The following CTTNBP2 variants were observed in gnomAD, a reference collection of about 807,000 sequenced individuals.
CTTNBP2 encodes cortactin-binding protein 2.
In CTTNBP2, 108 loss-of-function variants were observed where a neutral mutation model predicts 156.9. The observed-to-expected ratio is 0.69, with a 90% confidence interval of 0.59 to 0.81. The LOEUF is 0.81. Among genes scored for constraint, CTTNBP2 ranks in the 30% least tolerant of loss-of-function variants. CTTNBP2 has a pLI of 0.00. For synonymous variants in CTTNBP2, 767 were observed against 751.8 expected, an observed-to-expected ratio of 1.02 and a Z score of -0.33; for missense variants, 1,924 against 2,035.4, an observed-to-expected ratio of 0.95 and a Z score of 1.05.
chr7:117,719,470 G>C (rs375406711), intron 21 of CTTNBP2, 34 bp downstream of exon 21: 4 of 1,588,970 alleles, frequency 2.5e-6, no homozygotes, highest in Non-Finnish European at 3.4e-6. Flanking sequence ...CTGTTGAGTA[G>C]AGCCATTCAA....
chr7:117,840,719 C>T (rs1802219987), intron 2 of CTTNBP2, among the ~76,000 whole-genome samples: 1 of 152,154 alleles, frequency 6.6e-6, no homozygotes, highest in Non-Finnish European at 1.5e-5. Flanking sequence ...GCAATTATTT[C>T]CAGTATCACT....
intron 8 of CTTNBP2, among the ~76,000 whole-genome samples, chr7:117,776,631 C>A (rs1392566935): frequency 6.6e-6 from 1 of 152,194 alleles, no homozygotes; most frequent in African/African-American, 2.4e-5. Context: ...ACTTTCCTTG[C>A]AAAGCTCAAA....
chr7:117,858,368 T>C, intron 2 of CTTNBP2, among the ~76,000 whole-genome samples: 1 of 151,924 alleles, frequency 6.6e-6, no homozygotes, highest in Non-Finnish European at 1.5e-5. Flanking sequence ...AGACTCCGTC[T>C]CAAAAAAAAG....
intron 2 of CTTNBP2, among the ~76,000 whole-genome samples, chr7:117,819,367 TCACACACACA>T (rs71529472): frequency 0.023 from 2,942 of 130,688 alleles, 165 homozygotes; most frequent in African/African-American, 0.073. Flanking sequence ...TCTCTCTCTC[TCACACACACA>T]CACACACACA....
Position 117,873,410 on chromosome 7 carries a change from C to A in CTTNBP2, c.6G>T (p.Ala2=). M[A]TDGASCEPDL... Reference sequence around the variant, plus strand: ...CGGGCTCGCAGCTCGCGCCGTCCGTCGCCATCTTCCTGCTCTAGCGGATCC... The same window carrying A: ...CGGGCTCGCAGCTCGCGCCGTCCGTAGCCATCTTCCTGCTCTAGCGGATCC... The change falls in exon 1 of 23, where the codon GCG becomes GCT. Residue 2 remains alanine (A), a synonymous_variant. Transcript: ENST00000160373. The A allele has an allele frequency of 6.7e-7, 1 of 1,497,982 alleles. No individual in the cohort carries two copies. 92.8% of individuals were successfully genotyped at this position (1,497,982 alleles called of 1,614,324 possible). A position where few individuals can be genotyped will look rare whatever the true frequency, so the allele number is the denominator to read the frequency against.
chr7:117,754,526 T>G (rs1391248231), intron 12 of CTTNBP2, among the ~76,000 whole-genome samples: 1 of 152,204 alleles, frequency 6.6e-6, no homozygotes, highest in Non-Finnish European at 1.5e-5. Context: ...GTGAAACAAC[T>G]GAAATAACAG....
intron 2 of CTTNBP2, among the ~76,000 whole-genome samples, chr7:117,822,462 T>C (rs2117033517): frequency 6.6e-6 from 1 of 152,308 alleles, no homozygotes; most frequent in East Asian, 1.9e-4. Context: ...AGTAGAACCA[T>C]AGGTCATTGA....
intron 14 of CTTNBP2, among the ~76,000 whole-genome samples, chr7:117,740,530 C>A (rs1031936582): frequency 3.9e-5 from 6 of 152,122 alleles, no homozygotes; most frequent in Non-Finnish European, 7.3e-5. Context: ...GTGTAGAATA[C>A]CTCAGGAATC....
chr7:117,752,359 C>T (rs12533962), intron 12 of CTTNBP2, among the ~76,000 whole-genome samples: 15,919 of 152,050 alleles, frequency 0.1, 2,367 homozygotes, highest in African/African-American at 0.34. Flanking sequence ...TATTAAAACA[C>T]GAGGTTTCAA....
chr7:117,807,648 A>G (rs529608125), intron 3 of CTTNBP2, among the ~76,000 whole-genome samples: 1 of 152,272 alleles, frequency 6.6e-6, no homozygotes, highest in African/African-American at 2.4e-5. Flanking sequence ...CTTAGGCTTC[A>G]AATAGGTAAT....
intron 19 of CTTNBP2, 94 bp downstream of exon 19, chr7:117,724,453 G>A: frequency 2.8e-6 from 3 of 1,053,336 alleles, no homozygotes; most frequent in Non-Finnish European, 4.1e-6. Flanking sequence ...TTTACCAAAT[G>A]CATCGTGATA....
chr7:117,827,628 A>C (rs1443012660), intron 2 of CTTNBP2, among the ~76,000 whole-genome samples: 1 of 152,218 alleles, frequency 6.6e-6, no homozygotes, highest in Non-Finnish European at 1.5e-5. Flanking sequence ...TGTAGTTTGC[A>C]GTATGATAAT....
chr7:117,728,716 C>T (rs1246591051), intron 16 of CTTNBP2, among the ~76,000 whole-genome samples: 2 of 152,150 alleles, frequency 1.3e-5, no homozygotes, highest in Non-Finnish European at 2.9e-5. Flanking sequence ...ACATATCCAT[C>T]CCTTTACATA....
intron 21 of CTTNBP2, among the ~76,000 whole-genome samples, chr7:117,718,719 A>G (rs1050212599): frequency 1.3e-5 from 2 of 152,206 alleles, no homozygotes; most frequent in African/African-American, 4.8e-5. Flanking sequence ...CTTAGAGATT[A>G]TGATGATATG....
rs576758235 is a variant in CTTNBP2 at position 117,792,132 on chromosome 7, C to G, written c.1064G>C (p.Gly355Ala). The change falls in exon 4 of 23, where the codon GGT (glycine) becomes GCT (alanine). Residue 355 changes from glycine to alanine, a missense_variant. Physicochemically the swap from Gly to Ala is moderately conservative, Grantham distance 60. Coordinates refer to ENST00000160373, the MANE Select transcript of CTTNBP2 (RefSeq NM_033427.3). The surrounding 1 kb of genome is among the most constrained non-coding windows in gnomAD (Gnocchi z 4.2). ...VCTSATMARP[G>A]IDRQASYGDL... ...ACCATAGGAAGCCTGCCTGTCAATA[C>G]CTGGTCTGGCCATGGTGGCACTGGT... 46 of 1,614,114 alleles carry G rather than the reference C, an allele frequency of 2.8e-5. No individual in the cohort carries two copies. In the Middle Eastern group the frequency reaches 6.6e-4, roughly 23 times the overall value.
intron 12 of CTTNBP2, 109 bp downstream of exon 12, chr7:117,756,446 C>A: frequency 1.2e-6 from 1 of 814,614 alleles, no homozygotes. Flanking sequence ...GGTGTCAGAG[C>A]ACAGGGTGGG....
chr7:117,791,354 T>C lies in CTTNBP2; in HGVS notation c.1842A>G (p.Lys614=). 1 of 1,613,868 alleles carries C rather than the reference T, an allele frequency of 6.2e-7. No homozygotes were observed. The highest frequency in any genetic ancestry group is 8.5e-7 in the Non-Finnish European group (1 of 1,179,922). Residue 614 remains lysine (K), a synonymous_variant, in exon 4 of 23, where the codon AAA becomes AAG. Coordinates refer to ENST00000160373, the MANE Select transcript of CTTNBP2 (RefSeq NM_033427.3). Reference sequence around the variant, plus strand: ...GTGCCACAGTTAAATCTATGGATGGTTTTGGTGGCAGCTGAGGGGAGGATG... The same window carrying C: ...GTGCCACAGTTAAATCTATGGATGGCTTTGGTGGCAGCTGAGGGGAGGATG... ...PKSSSPQLPP[K]PSIDLTVAPA...
chr7:117,837,210 T>C (rs1802010412), intron 2 of CTTNBP2, among the ~76,000 whole-genome samples: 1 of 152,226 alleles, frequency 6.6e-6, no homozygotes, highest in South Asian at 2.1e-4. Context: ...TTAGGAGGTA[T>C]TCTGTCACTT....
intron 2 of CTTNBP2, among the ~76,000 whole-genome samples, chr7:117,826,129 C>T (rs1801259811): frequency 6.6e-6 from 1 of 152,184 alleles, no homozygotes; most frequent in Non-Finnish European, 1.5e-5. Context: ...TAGAGCCCCT[C>T]ATCACCTTTG....
Sources: gnomAD v4.1 joint callset for allele counts (sites outside exome capture counted in the v4.1 genomes callset) on GRCh38, gnomAD v4.1.1 for gene constraint, Gnocchi (gnomAD v3.1) non-coding constraint, MANE v1.5 for transcripts, NCBI Gene and HGNC (gene_info 2026-07-23, HGNC 2026-07-21) for gene names.